The following NEK11 variants were observed in gnomAD, a reference collection of about 807,000 sequenced individuals.
NEK11 encodes NIMA related kinase 11.
A neutral mutation model predicts 80.7 loss-of-function variants in NEK11; 72 were observed. The observed-to-expected ratio is 0.89, with a 90% confidence interval of 0.74 to 1.08. The LOEUF is 1.08. Among genes scored for constraint, NEK11 ranks in the 50% least tolerant of loss-of-function variants. The pLI, the probability that NEK11 is intolerant of heterozygous loss-of-function variation, is 0.00. For missense variants in NEK11, 764 were observed against 763.6 expected (o/e 1.00, Z -0.01); for synonymous variants, 251 against 260.7 (o/e 0.96, Z 0.36).
At chr3:131,115,946 C>CTT (rs369561182) in intron 5 of NEK11, among the ~76,000 whole-genome samples, 1 of 128,224 alleles carries the variant, frequency 7.8e-6, no homozygotes, top group African/African-American at 3.0e-5. Flanking sequence ...TTCTTTCTTT[C>CTT]TTTCTTTCTT....
intron 17 of NEK11, among the ~76,000 whole-genome samples, chr3:131,318,653 T>C (rs1291872187): frequency 6.6e-6 from 1 of 151,868 alleles, no homozygotes; most frequent in Non-Finnish European, 1.5e-5. Flanking sequence ...CTAGAGTATA[T>C]TGTTAACCGA....
At chr3:131,155,751 G>C (rs1462957190) in intron 10 of NEK11, among the ~76,000 whole-genome samples, 1 of 152,136 alleles carries the variant, frequency 6.6e-6, no homozygotes. Context: ...GTATACAGGA[G>C]GTGTGCAGGA....
chr3:131,286,226 C>A (rs16836269), intron 17 of NEK11, among the ~76,000 whole-genome samples: 22,616 of 152,136 alleles, frequency 0.15, 2,682 homozygotes, highest in African/African-American at 0.32. Flanking sequence ...CCCATTAGCT[C>A]TTATCAACTG....
chr3:131,050,581 C>T (rs1429411515), intron 3 of NEK11, among the ~76,000 whole-genome samples: 1 of 152,184 alleles, frequency 6.6e-6, no homozygotes, highest in Non-Finnish European at 1.5e-5. Flanking sequence ...GAATAAAATG[C>T]AGGAACCTTT....
intron 17 of NEK11, among the ~76,000 whole-genome samples, chr3:131,322,673 C>T (rs1425860280): frequency 6.6e-6 from 1 of 152,156 alleles, no homozygotes; most frequent in Non-Finnish European, 1.5e-5. Flanking sequence ...TTCTGCATGT[C>T]TAAGCAGCTC....
intron 17 of NEK11, chr3:131,326,288 T>C (rs2096965489): frequency 6.6e-6 from 1 of 152,172 alleles, no homozygotes; most frequent in South Asian, 2.1e-4. Context: ...TGTAACAGAA[T>C]TCAAATCATA....
intron 3 of NEK11, among the ~76,000 whole-genome samples, chr3:131,031,184 T>C (rs2064789360): frequency 6.6e-6 from 1 of 152,264 alleles, no homozygotes; most frequent in Non-Finnish European, 1.5e-5. Context: ...AAATGGTCTC[T>C]GTCCAGAATT....
At chr3:131,174,281 T>A (rs2092877965) in intron 14 of NEK11, among the ~76,000 whole-genome samples, 1 of 152,198 alleles carries the variant, frequency 6.6e-6, no homozygotes, top group South Asian at 2.1e-4. Context: ...TTAATTGAAG[T>A]GAAATTTTGA....
intron 17 of NEK11, among the ~76,000 whole-genome samples, chr3:131,309,028 G>A (rs1161399377): frequency 6.6e-6 from 1 of 152,212 alleles, no homozygotes; most frequent in African/African-American, 2.4e-5. Context: ...GAGCTCAGGT[G>A]GTAATGCTCT....
chr3:131,076,443 T>C (rs944153863), intron 3 of NEK11, among the ~76,000 whole-genome samples: 1 of 150,622 alleles, frequency 6.6e-6, no homozygotes, highest in Admixed American at 6.6e-5. Context: ...CCTTGTAAAT[T>C]AGAAAAAAGA....
At chr3:131,069,869 C>T (rs1231868088) in intron 3 of NEK11, among the ~76,000 whole-genome samples, 1 of 150,858 alleles carries the variant, frequency 6.6e-6, no homozygotes, top group Non-Finnish European at 1.5e-5. Context: ...GGAGATATAC[C>T]TAATGCTAGA....
At chr3:131,121,873 G>T (rs1008330922) in intron 5 of NEK11, among the ~76,000 whole-genome samples, 3 of 152,178 alleles carry the variant, frequency 2.0e-5, no homozygotes, top group African/African-American at 7.2e-5. Context: ...AACTTTCCAG[G>T]TACCATCTGT....
chr3:131,066,724 C>A (rs2072045307), intron 3 of NEK11, among the ~76,000 whole-genome samples: 1 of 151,758 alleles, frequency 6.6e-6, no homozygotes, highest in South Asian at 2.1e-4. Flanking sequence ...TGCCTGTAAT[C>A]CCAGCTACTC....
At chr3:131,083,617 G>A (rs1230244748) in intron 4 of NEK11, among the ~76,000 whole-genome samples, 2 of 152,178 alleles carry the variant, frequency 1.3e-5, no homozygotes, top group African/African-American at 4.8e-5. Flanking sequence ...ATAGAAAAAT[G>A]CTATCACTAC....
intron 14 of NEK11, 182 bp downstream of exon 14, chr3:131,171,069 C>T (rs1237559567): frequency 6.5e-6 from 4 of 618,540 alleles, no homozygotes; most frequent in South Asian, 3.7e-5. Flanking sequence ...ATTTTTCTGT[C>T]CTCTCTATCT....
chr3:131,065,298 A>G (rs2071711717), intron 3 of NEK11, among the ~76,000 whole-genome samples: 1 of 152,242 alleles, frequency 6.6e-6, no homozygotes, highest in African/African-American at 2.4e-5. Flanking sequence ...ATGAATGACA[A>G]GGAAAACATT....
intron 3 of NEK11, among the ~76,000 whole-genome samples, chr3:131,037,207 T>C (rs1339320525): frequency 3.4e-5 from 4 of 116,474 alleles, no homozygotes; most frequent in Non-Finnish European, 7.2e-5. Flanking sequence ...TGACAGGCAT[T>C]CTGTGTCATT....
chr3:131,328,349 T>C (rs1450089103), intron 17 of NEK11: 1 of 152,006 alleles, frequency 6.6e-6, no homozygotes, highest in Non-Finnish European at 1.5e-5. Flanking sequence ...AGGAATATTG[T>C]TTTAAAAAAT....
chr3:131,231,251 G>A (rs926070324), intron 15 of NEK11, among the ~76,000 whole-genome samples: 15 of 149,330 alleles, frequency 1.0e-4, no homozygotes, highest in African/African-American at 3.7e-4. Context: ...GCCCAGACTG[G>A]AGTGCAGTGG....
Sources: allele counts gnomAD v4.1 joint callset (sites outside exome capture counted in the v4.1 genomes callset), GRCh38; gene constraint gnomAD v4.1.1; transcripts MANE v1.5; gene names NCBI Gene and HGNC (gene_info 2026-07-23, HGNC 2026-07-21).